Variants in GRID1 observed in about 807,000 individuals in gnomAD.
The protein encoded by GRID1 is glutamate ionotropic receptor delta type subunit 1.
In GRID1, 28 loss-of-function variants were observed where a neutral mutation model predicts 98.0. The ratio of observed to expected loss-of-function variants is 0.29; its 90% CI spans 0.21 to 0.39. GRID1 has a LOEUF of 0.39. Ranked by LOEUF, GRID1 falls within the 10% of genes least tolerant of loss-of-function variation. The pLI is 1.00. For missense variants in GRID1, 1,111 were observed against 1,340.5 expected, an observed-to-expected ratio of 0.83 and a Z score of 2.67; for synonymous variants, 553 against 538.5, an observed-to-expected ratio of 1.03 and a Z score of -0.37.
intron 8 of GRID1, among the ~76,000 whole-genome samples, chr10:85,842,119 A>G (rs1842966219): frequency 6.6e-6 from 1 of 152,174 alleles, no homozygotes; most frequent in Non-Finnish European, 1.5e-5. Flanking sequence ...TGTGGTACAT[A>G]TATACCCTAG....
chr10:85,699,217 T>A (rs368026500), intron 12 of GRID1, among the ~76,000 whole-genome samples: 1 of 152,094 alleles, frequency 6.6e-6, no homozygotes, highest in Admixed American at 6.6e-5. Flanking sequence ...CACACCTGGC[T>A]AATTTTTGTA....
intron 4 of GRID1, among the ~76,000 whole-genome samples, chr10:85,957,638 A>T (rs948817862): frequency 2.0e-5 from 3 of 152,214 alleles, no homozygotes; most frequent in African/African-American, 2.4e-5. Flanking sequence ...TGACACCCTG[A>T]GCCCACCTGG....
chr10:86,254,051 C>A (rs894099136), intron 2 of GRID1, among the ~76,000 whole-genome samples: 1 of 152,174 alleles, frequency 6.6e-6, no homozygotes, highest in Non-Finnish European at 1.5e-5. Flanking sequence ...TCCCTTGCCA[C>A]CCAGACCTAC....
intron 14 of GRID1, among the ~76,000 whole-genome samples, chr10:85,615,536 T>C (rs553570405): frequency 1.9e-4 from 29 of 152,348 alleles, no homozygotes; most frequent in African/African-American, 6.5e-4. Flanking sequence ...TATAATGTCC[T>C]TTAAGTGCTT....
At chr10:85,863,193 G>A (rs908066820) in intron 6 of GRID1, among the ~76,000 whole-genome samples, 1 of 152,232 alleles carries the variant, frequency 6.6e-6, no homozygotes, top group Non-Finnish European at 1.5e-5. Context: ...AGCCTGGCAA[G>A]TACAAGATCA....
intron 4 of GRID1, among the ~76,000 whole-genome samples, chr10:85,987,148 G>A (rs1406893798): frequency 6.6e-6 from 1 of 151,992 alleles, no homozygotes; most frequent in Non-Finnish European, 1.5e-5. Context: ...CAGCTTGCCA[G>A]CCACCCAGCC....
intron 2 of GRID1, among the ~76,000 whole-genome samples, chr10:86,267,337 G>A (rs1847119243): frequency 6.6e-6 from 1 of 152,162 alleles, no homozygotes. Context: ...ATCCACATAC[G>A]GTCCCATTCA....
At chr10:86,312,705 TATAAACTATTAGGA>T (rs1847847871) in intron 2 of GRID1, among the ~76,000 whole-genome samples, 1 of 152,238 alleles carries the variant, frequency 6.6e-6, no homozygotes, top group Non-Finnish European at 1.5e-5. Context: ...CTGAGCCTTT[TATAAACTATTAGGA>T]GCTATCAGGG....
chr10:86,138,939 G>T lies in GRID1; in HGVS notation c.606C>A (p.Ser202Arg), dbSNP rs200730881. 1.2e-6 allele frequency: 2 copies of T among 1,613,840 alleles called. No homozygotes were observed. The highest frequency in any genetic ancestry group is 1.7e-6 in the Non-Finnish European group (2 of 1,179,682). ...TGGTGAAGAGGCTGGTGAATACGTG[G>T]CTAATGTTCTTGTCCACCTTTTGTA... is the stretch of plus-strand genomic sequence containing the variant. ...VSLQKVDKNI[S>R]HVFTSLFTTM... is the part of the protein sequence containing the mutation. The change falls in exon 4 of 16, where the codon AGC (serine) becomes AGA (arginine). Residue 202 changes from serine (S) to arginine (R), a missense_variant. By Grantham distance (110) the Ser-to-Arg change is moderately radical. Coordinates refer to ENST00000327946, the MANE Select transcript of GRID1 (RefSeq NM_017551.3).
chr10:85,880,527 G>T (rs896818028), intron 5 of GRID1, among the ~76,000 whole-genome samples: 6 of 152,028 alleles, frequency 3.9e-5, no homozygotes, highest in Non-Finnish European at 8.8e-5. Flanking sequence ...AAAACCACAT[G>T]ATTATCTCAA....
chr10:85,906,197 G>A (rs1841458240), intron 5 of GRID1, among the ~76,000 whole-genome samples: 1 of 152,034 alleles, frequency 6.6e-6, no homozygotes, highest in African/African-American at 2.4e-5. Flanking sequence ...AATAAATCAA[G>A]AGAACATAAA....
chr10:86,186,219 T>C (rs1400110669), intron 3 of GRID1, among the ~76,000 whole-genome samples: 1 of 152,234 alleles, frequency 6.6e-6, no homozygotes, highest in Non-Finnish European at 1.5e-5. Context: ...TTTCAAAACA[T>C]TCCCTTATGA....
At chr10:86,071,344 T>A (rs2131921272) in intron 4 of GRID1, among the ~76,000 whole-genome samples, 1 of 152,328 alleles carries the variant, frequency 6.6e-6, no homozygotes, top group African/African-American at 2.4e-5. Flanking sequence ...AACAGGCTGG[T>A]AGCACAATGA....
intron 2 of GRID1, among the ~76,000 whole-genome samples, chr10:86,246,909 T>C (rs1039564336): frequency 3.3e-5 from 5 of 152,228 alleles, no homozygotes; most frequent in African/African-American, 1.2e-4. Context: ...CTTGGACAGC[T>C]CACCAAGCTC....
intron 4 of GRID1, among the ~76,000 whole-genome samples, chr10:86,074,655 A>C (rs1843855269): frequency 6.6e-6 from 1 of 152,186 alleles, no homozygotes; most frequent in Non-Finnish European, 1.5e-5. Context: ...TGCCACAGTA[A>C]ACATAGGGGT....
intron 15 of GRID1, among the ~76,000 whole-genome samples, chr10:85,612,143 G>T (rs1183458588): frequency 6.6e-6 from 1 of 152,214 alleles, no homozygotes; most frequent in Non-Finnish European, 1.5e-5. Flanking sequence ...GCAGAGTCCT[G>T]TAAGGAGCGA....
Position 86,109,314 on chromosome 10 carries a change from T to G in GRID1, c.726+29505A>C, listed in dbSNP as rs190506477. 9.9e-5 allele frequency among the ~76,000 whole-genome samples: 15 copies of G among 152,258 alleles called. No individual in the cohort carries two copies. The East Asian group carries it at 2.7e-3, about 27-fold the overall frequency. ...GCAAAGAAAATGAAACACTGAGTGT[T>G]CAGAAGATGATATGCTCCCGCCACC... On this transcript the variant is annotated intron_variant, in intron 4 of 15. Coordinates refer to ENST00000327946, the MANE Select transcript of GRID1 (RefSeq NM_017551.3).
chr10:85,857,505 C>A (rs1843123907), intron 6 of GRID1, among the ~76,000 whole-genome samples: 1 of 152,018 alleles, frequency 6.6e-6, no homozygotes, highest in Non-Finnish European at 1.5e-5. Flanking sequence ...ACCTTCACAC[C>A]ACCCCAGCCC....
At chr10:85,895,084 C>T (rs1266586753) in intron 5 of GRID1, among the ~76,000 whole-genome samples, 1 of 149,448 alleles carries the variant, frequency 6.7e-6, no homozygotes, top group African/African-American at 2.5e-5. Flanking sequence ...ACCTTCATCT[C>T]CTTTCAACAC....
Sources: allele counts gnomAD v4.1 joint callset (sites outside exome capture counted in the v4.1 genomes callset), GRCh38; gene constraint gnomAD v4.1.1; transcripts MANE v1.5; gene names NCBI Gene and HGNC (gene_info 2026-07-23, HGNC 2026-07-21).